ZNF606: variants seen among roughly 807,000 people sequenced by gnomAD.
ZNF606 encodes the protein zinc finger protein 606, also known as zinc finger protein 328.
Under a neutral mutation model 74.9 loss-of-function variants are expected in ZNF606, and 37 were observed. That is an observed-to-expected ratio of 0.49 (90% CI 0.38 to 0.65). The LOEUF is 0.65. ZNF606 is among the 30% of genes least tolerant of loss of function. The pLI is 0.00. For synonymous variants in ZNF606, 328 were observed against 312.4 expected, an observed-to-expected ratio of 1.05 and a Z score of -0.53; for missense variants, 852 against 952.9, an observed-to-expected ratio of 0.89 and a Z score of 1.39.
Position 58,001,204 on chromosome 19 carries a change from A to G in ZNF606, c.31+85T>C, listed in dbSNP as rs758013690. 562 of 1,524,934 alleles carry G rather than the reference A, an allele frequency of 3.7e-4. 1 individual carries two copies. Among genetic ancestry groups the G allele is most frequent in the Non-Finnish European group, 5.0e-4 (553 of 1,109,778 alleles). 94.5% of individuals were successfully genotyped at this position (1,524,934 alleles called of 1,614,324 possible). On this transcript the variant is annotated intron_variant, in intron 2 of 6. Transcript: ENST00000551380. Reference sequence around the variant, plus strand: ...AGACAGACCCCCTTCCATCCTCAAAAGTCCTCAGCCCATCACCAGCTCTGA... The same window carrying G: ...AGACAGACCCCCTTCCATCCTCAAAGGTCCTCAGCCCATCACCAGCTCTGA...
At chr19:57,996,528 A>C (rs925920003) in intron 4 of ZNF606, among the ~76,000 whole-genome samples, 1 of 152,194 alleles carries the variant, frequency 6.6e-6, no homozygotes, top group Non-Finnish European at 1.5e-5. Flanking sequence ...ATGGCTGGTA[A>C]GGGGACACAG....
rs371182940 is a variant in ZNF606, at chr19:57,979,428, G to C, written c.1252C>G (p.His418Asp). 24 of 1,613,930 alleles carry C rather than the reference G, an allele frequency of 1.5e-5. No individual in the cohort carries two copies. Among genetic ancestry groups the C allele is most frequent in the Non-Finnish European group, 2.0e-5 (24 of 1,179,964 alleles). Residue 418 changes from histidine (H) to aspartate (D), a missense_variant, in exon 7 of 7, where the codon CAT becomes GAT. Coordinates refer to ENST00000551380, the MANE Select transcript of ZNF606 (RefSeq NM_001348022.3). Reference sequence around the variant, plus strand: ...TTTTCTCCAGTATGAGTTTTCTTATGTTGAATAAGGTAAGAGCTCCAGATG... The same window carrying C: ...TTTTCTCCAGTATGAGTTTTCTTATCTTGAATAAGGTAAGAGCTCCAGATG... Reference protein sequence around the residue: ...SFIWSSYLIQHKKTHTGEKPY... With the variant: ...SFIWSSYLIQDKKTHTGEKPY...
intron 1 of ZNF606, among the ~76,000 whole-genome samples, chr19:58,001,729 G>A (rs2073432413): frequency 6.6e-6 from 1 of 152,168 alleles, no homozygotes; most frequent in Non-Finnish European, 1.5e-5. Flanking sequence ...AAATGAAATG[G>A]GGAGTGACTG....
intron 3 of ZNF606, 74 bp from the exon 4 acceptor site, chr19:57,999,970 A>T: frequency 2.2e-6 from 3 of 1,343,770 alleles, no homozygotes; most frequent in Non-Finnish European, 3.1e-6. Flanking sequence ...GGGGGCTGAG[A>T]ACCAGCCCCT....
chr19:57,997,611 G>A (rs997191465), intron 4 of ZNF606: 1 of 152,218 alleles, frequency 6.6e-6, no homozygotes, highest in African/African-American at 2.4e-5. Context: ...ACATTGGAGG[G>A]TGTTGTTATT....
chr19:58,002,167 T>C (rs1478043694), intron 1 of ZNF606: 3 of 456,680 alleles, frequency 6.6e-6, no homozygotes, highest in African/African-American at 4.0e-5. Context: ...CCGCCGTCAC[T>C]GCATGTTTAA....
chr19:57,988,509 G>C, intron 5 of ZNF606, 86 bp downstream of exon 5: 1 of 1,539,312 alleles, frequency 6.5e-7, no homozygotes, highest in South Asian at 1.3e-5. Context: ...CACCACCCTC[G>C]CCCCTGCAAT....
chr19:57,994,190 C>G (rs1165600367), intron 4 of ZNF606, among the ~76,000 whole-genome samples: 1 of 151,874 alleles, frequency 6.6e-6, no homozygotes, highest in Non-Finnish European at 1.5e-5. Context: ...AAGAAAAGAA[C>G]AGAAGACACA....
chr19:57,980,123 T>C lies in ZNF606; in HGVS notation c.557A>G (p.Tyr186Cys). Residue 186 changes from tyrosine (Y) to cysteine (C), a missense_variant, in exon 7 of 7, where the codon TAC becomes TGC. Physicochemically the swap from Tyr to Cys is radical, Grantham distance 194. This residue lies in a region of ZNF606 where 545 missense variants were observed against 542.5 expected (regional missense o/e 1.00). Coordinates refer to ENST00000551380, the MANE Select transcript of ZNF606 (RefSeq NM_001348022.3). ...CATAGCTGTACTCTGGTTCATGTGGTACATTTCTAATTGGTCTTTACATCC... is the reference window on the plus strand; with the variant it reads ...CATAGCTGTACTCTGGTTCATGTGGCACATTTCTAATTGGTCTTTACATCC... Reference protein sequence around the residue: ...VLGCKDQLEMYHMNQSTAMRQ... With the variant: ...VLGCKDQLEMCHMNQSTAMRQ... The C allele has an allele frequency of 1.9e-6, 3 of 1,614,130 alleles. No individual in the cohort carries two copies. Among genetic ancestry groups the C allele is most frequent in the African/African-American group, 1.3e-5 (1 of 75,056 alleles).
intron 6 of ZNF606, among the ~76,000 whole-genome samples, chr19:57,981,963 T>C (rs1043885431): frequency 6.6e-6 from 1 of 152,252 alleles, no homozygotes; most frequent in Non-Finnish European, 1.5e-5. Context: ...GCAAGTTTAA[T>C]ACACAGGAAC....
At chr19:58,001,954 G>A in intron 1 of ZNF606, 2 of 348,486 alleles carry the variant, frequency 5.7e-6, no homozygotes, top group Admixed American at 8.1e-5. Context: ...GTGTGTGGAG[G>A]ACTTAGAGAT....
intron 4 of ZNF606, chr19:57,997,709 T>G (rs2073359536): frequency 6.6e-6 from 1 of 152,228 alleles, no homozygotes; most frequent in Non-Finnish European, 1.5e-5. Context: ...GCATGGTGGT[T>G]AACAGGGCTT....
Position 57,978,295 on chromosome 19 carries a change from A to T in ZNF606, c.*6T>A. ...AATGTACAAGAAACGAAAAACTCGC[A>T]TAAATTCAATTCAGTTTCTCTTCAC... On this transcript the variant is annotated 3_prime_UTR_variant, in exon 7 of 7. Transcript: ENST00000551380. The surrounding 1 kb of genome is among the most constrained non-coding windows in gnomAD (Gnocchi z 4.4). 1 of 1,549,350 alleles carries T rather than the reference A, an allele frequency of 6.5e-7. No individual in the cohort carries two copies. Among genetic ancestry groups the T allele is most frequent in the Non-Finnish European group, 8.7e-7 (1 of 1,148,476 alleles).
rs1215528651 is a variant in ZNF606 at position 57,979,426 on chromosome 19, A to C, written c.1254T>G (p.His418Gln). Residue 418 changes from histidine (H) to glutamine (Q), a missense_variant, in exon 7 of 7, where the codon CAT (histidine) becomes CAG (glutamine). Physicochemically the swap from His to Gln is conservative, Grantham distance 24. Coordinates refer to ENST00000551380, the MANE Select transcript of ZNF606 (RefSeq NM_001348022.3). ...SFIWSSYLIQ[H>Q]KKTHTGEKPY... The stretch of plus-strand genomic sequence containing the variant: ...GTTTTTCTCCAGTATGAGTTTTCTT[A>C]TGTTGAATAAGGTAAGAGCTCCAGA... 1.2e-6 allele frequency: 2 copies of C among 1,613,802 alleles called. No homozygotes were observed. The highest frequency in any genetic ancestry group is 1.7e-6 in the Non-Finnish European group (2 of 1,179,970).
chr19:57,989,311 T>A (rs988402000), intron 4 of ZNF606, among the ~76,000 whole-genome samples: 1 of 151,058 alleles, frequency 6.6e-6, no homozygotes, highest in Non-Finnish European at 1.5e-5. Context: ...AAAAGCACAT[T>A]AGTTACAAGC....
At chr19:57,989,309 A>T (rs4801537) in intron 4 of ZNF606, among the ~76,000 whole-genome samples, 34,066 of 151,894 alleles carry the variant, frequency 0.22, 3,919 homozygotes, top group Non-Finnish European at 0.24. Context: ...TTAAAAGCAC[A>T]TTAGTTACAA....
chr19:57,978,100 T>C lies in ZNF606; in HGVS notation c.*201A>G. On this transcript the variant is annotated 3_prime_UTR_variant, in exon 7 of 7. Transcript: ENST00000551380. The surrounding 1 kb of genome is among the most constrained non-coding windows in gnomAD (Gnocchi z 4.4). ...TCCTTCATTGTTAATTATCTGATTTTGAGTAAGGGCTAAATAACTGCTGAA... is the reference window on the plus strand; with the variant it reads ...TCCTTCATTGTTAATTATCTGATTTCGAGTAAGGGCTAAATAACTGCTGAA... 4.2e-6 allele frequency: 2 copies of C among 473,710 alleles called. No individual in the cohort carries two copies. The highest frequency in any genetic ancestry group is 7.1e-6 in the Non-Finnish European group (2 of 281,240). The allele number at this position is 473,710 out of a possible 1,614,324, so 29.3% of individuals were successfully genotyped here. A position where few individuals can be genotyped will look rare whatever the true frequency, so the allele number is the denominator to read the frequency against.
At position 57,982,477 on chromosome 19, in the gene ZNF606, A is replaced by C. The variant is rs571112008; in HGVS notation, c.401-2198T>G. Among the ~76,000 whole-genome samples, 7 of 152,266 alleles carry C rather than the reference A, an allele frequency of 4.6e-5. No individual in the cohort carries two copies. The East Asian group carries it at 1.2e-3, about 25-fold the overall frequency. On this transcript the variant is annotated intron_variant, in intron 6 of 6. Coordinates refer to ENST00000551380, the MANE Select transcript of ZNF606 (RefSeq NM_001348022.3). The stretch of plus-strand genomic sequence containing the variant: ...GGTGCCCCATTCACAAATTCTGGAG[A>C]TTAGGATGCAGATATCTTTGTGGGG...
Position 57,979,544 on chromosome 19 carries a change from T to C in ZNF606, c.1136A>G (p.Lys379Arg). ...EKAYKYNEWE[K>R]VFGYDSFLTQ... Reference sequence around the variant, plus strand: ...AAGGAAAGAGTCATACCCAAAGACTTTCTCCCATTCATTGTATTTATACGC... The same window carrying C: ...AAGGAAAGAGTCATACCCAAAGACTCTCTCCCATTCATTGTATTTATACGC... Residue 379 changes from lysine (K) to arginine (R), a missense_variant, in exon 7 of 7, where the codon AAA becomes AGA. By Grantham distance (26) the Lys-to-Arg change is conservative. Around this residue, in one of 3 missense-constraint regions of ZNF606, gnomAD observed 545 missense variants for 542.5 expected, o/e 1.00. Coordinates refer to ENST00000551380, the MANE Select transcript of ZNF606 (RefSeq NM_001348022.3). 6.2e-7 allele frequency: 1 copy of C among 1,612,980 alleles called. No individual in the cohort carries two copies. The highest frequency in any genetic ancestry group is 8.5e-7 in the Non-Finnish European group (1 of 1,179,470).
Sources: gnomAD v4.1 joint callset for allele counts (sites outside exome capture counted in the v4.1 genomes callset) on GRCh38, gnomAD v4.1.1 for gene constraint, gnomAD v4.1.1 regional missense constraint, Gnocchi (gnomAD v3.1) non-coding constraint, MANE v1.5 for transcripts, NCBI Gene and HGNC (gene_info 2026-07-23, HGNC 2026-07-21) for gene names.